FARSB: variants seen among roughly 807,000 people sequenced by gnomAD.
The protein encoded by FARSB is phenylalanyl-tRNA synthetase subunit beta.
A neutral mutation model predicts 69.6 loss-of-function variants in FARSB; 40 were observed. That is an observed-to-expected ratio of 0.57 (90% CI 0.45 to 0.75). The LOEUF (loss-of-function observed/expected upper bound fraction) is 0.75. FARSB is among the 30% of genes least tolerant of loss of function. The pLI is 0.00. For missense variants in FARSB, 632 were observed against 722.9 expected (o/e 0.87, Z 1.44); for synonymous variants, 235 against 247.2 (o/e 0.95, Z 0.46).
chr2:222,650,480 A>T (rs1692005428), intron 1 of FARSB, among the ~76,000 whole-genome samples: 1 of 152,186 alleles, frequency 6.6e-6, no homozygotes, highest in African/African-American at 2.4e-5. Context: ...TAATATGAAA[A>T]ACGTTAAAGA....
chr2:222,602,866 A>G (rs1690599154), intron 15 of FARSB, among the ~76,000 whole-genome samples: 1 of 152,038 alleles, frequency 6.6e-6, no homozygotes, highest in Non-Finnish European at 1.5e-5. Context: ...TTTATTCCTA[A>G]GTATGTTATC....
chr2:222,621,987 T>G (rs985256695), intron 13 of FARSB, among the ~76,000 whole-genome samples: 7 of 152,230 alleles, frequency 4.6e-5, no homozygotes, highest in Admixed American at 6.5e-5. Flanking sequence ...CTAAACAGAC[T>G]GTTTCTAACA....
intron 16 of FARSB, among the ~76,000 whole-genome samples, chr2:222,587,600 T>C (rs149235037): frequency 0.15 from 22,309 of 152,010 alleles, 2,558 homozygotes; most frequent in East Asian, 0.56. Flanking sequence ...ACAAAATTGA[T>C]AGACCACTAG....
At chr2:222,602,918 T>C (rs1049378396) in intron 15 of FARSB, among the ~76,000 whole-genome samples, 4 of 152,120 alleles carry the variant, frequency 2.6e-5, no homozygotes, top group African/African-American at 9.6e-5. Context: ...TTTTCTTCCC[T>C]TAGAGCTTGA....
chr2:222,613,951 G>A, intron 14 of FARSB, 23 bp from the exon 15 acceptor site: 1 of 1,446,360 alleles, frequency 6.9e-7, no homozygotes, highest in Non-Finnish European at 9.7e-7. Context: ...ACATGAAATT[G>A]CACTGACCAA....
In FARSB at chr2:222,640,859, T is replaced by C; in HGVS notation, c.339+3A>G. ...AAGAAAAATAAGAATTTGTCCTTAT[T>C]ACCTCTTCTGTGATAATCAATTTCT... On this transcript the variant is annotated splice_donor_region_variant and intron_variant, in intron 4 of 16. Transcript: ENST00000281828. The C allele has an allele frequency of 2.0e-6, 3 of 1,495,348 alleles. No homozygotes were observed. Among genetic ancestry groups the C allele is most frequent in the Non-Finnish European group, 2.8e-6 (3 of 1,084,402 alleles). 92.6% of individuals were successfully genotyped at this position (1,495,348 alleles called of 1,614,324 possible).
chr2:222,580,835 G>C (rs375426354), intron 16 of FARSB, among the ~76,000 whole-genome samples: 8 of 152,246 alleles, frequency 5.3e-5, no homozygotes, highest in African/African-American at 1.9e-4. Context: ...CTCCTGAAAG[G>C]TGAGCGACAA....
At chr2:222,630,335 C>T (rs1269334143) in intron 8 of FARSB, among the ~76,000 whole-genome samples, 161 bp from the exon 9 acceptor site, 2 of 152,140 alleles carry the variant, frequency 1.3e-5, no homozygotes, top group African/African-American at 2.4e-5. Flanking sequence ...GTAGGCCTAG[C>T]CTTATCTTCA....
intron 14 of FARSB, among the ~76,000 whole-genome samples, chr2:222,618,709 C>T (rs914772760): frequency 3.9e-5 from 6 of 152,174 alleles, no homozygotes; most frequent in African/African-American, 1.4e-4. Context: ...CTAAATGAAA[C>T]TGCCAATAAA....
intron 6 of FARSB, among the ~76,000 whole-genome samples, chr2:222,633,632 A>T (rs576656655): frequency 1.6e-4 from 22 of 139,456 alleles, no homozygotes; most frequent in Admixed American, 3.0e-4. Flanking sequence ...CGGTGAGCTG[A>T]GATTGTGCCA....
chr2:222,625,490 C>T (rs375500775), intron 10 of FARSB, among the ~76,000 whole-genome samples: 5 of 152,162 alleles, frequency 3.3e-5, no homozygotes, highest in South Asian at 2.1e-4. Context: ...ACTCAAAATG[C>T]GGTCCTCAGA....
chr2:222,598,401 G>T (rs1690477155), intron 16 of FARSB, among the ~76,000 whole-genome samples: 1 of 152,146 alleles, frequency 6.6e-6, no homozygotes, highest in African/African-American at 2.4e-5. Flanking sequence ...TCCATCTAAA[G>T]GTTACACAAA....
chr2:222,582,307 CAAAGA>C (rs1235769980), intron 16 of FARSB, among the ~76,000 whole-genome samples: 1 of 152,086 alleles, frequency 6.6e-6, no homozygotes, highest in Non-Finnish European at 1.5e-5. Flanking sequence ...TCAGGTAAAA[CAAAGA>C]AAGGTACAGA....
intron 16 of FARSB, among the ~76,000 whole-genome samples, chr2:222,594,229 C>T (rs1406412221): frequency 4.6e-5 from 7 of 151,414 alleles, no homozygotes; most frequent in Admixed American, 4.6e-4. Flanking sequence ...GGCAACACAG[C>T]AAGACCCTGT....
At chr2:222,572,301 T>C (rs965768228) in intron 16 of FARSB, among the ~76,000 whole-genome samples, 3 of 152,122 alleles carry the variant, frequency 2.0e-5, no homozygotes, top group Admixed American at 6.5e-5. Flanking sequence ...TGGAGGCTGC[T>C]GAAGGTCCAC....
At chr2:222,615,029 A>G (rs907948612) in intron 14 of FARSB, among the ~76,000 whole-genome samples, 4 of 152,176 alleles carry the variant, frequency 2.6e-5, no homozygotes, top group Non-Finnish European at 4.4e-5. Flanking sequence ...ACTAAAGCAA[A>G]TGTGAAAGAA....
At chr2:222,606,825 A>C (rs1357624488) in intron 15 of FARSB, among the ~76,000 whole-genome samples, 1 of 152,240 alleles carries the variant, frequency 6.6e-6, no homozygotes, top group Admixed American at 6.5e-5. Flanking sequence ...ACTGGAAAAG[A>C]GCAGAGTCTT....
chr2:222,626,571 C>CT (rs1365367426), intron 10 of FARSB, among the ~76,000 whole-genome samples: 3 of 152,090 alleles, frequency 2.0e-5, no homozygotes, highest in African/African-American at 7.2e-5. Flanking sequence ...TGCAGTACTC[C>CT]TTTTCAGAAA....
At chr2:222,575,462 A>G (rs1208983536) in intron 16 of FARSB, among the ~76,000 whole-genome samples, 1 of 152,234 alleles carries the variant, frequency 6.6e-6, no homozygotes, top group African/African-American at 2.4e-5. Context: ...CAAATTCTAT[A>G]AAGTACATTA....
Sources: allele counts gnomAD v4.1 joint callset (sites outside exome capture counted in the v4.1 genomes callset), GRCh38; gene constraint gnomAD v4.1.1; transcripts MANE v1.5; gene names NCBI Gene and HGNC (gene_info 2026-07-23, HGNC 2026-07-21).